NME7: variants seen among roughly 807,000 people sequenced by gnomAD.
NME7 encodes the protein NME/NM23 family member 7.
Under a neutral mutation model 49.1 loss-of-function variants are expected in NME7, and 41 were observed. The observed-to-expected ratio is 0.83, with a 90% CI of 0.65 to 1.08. The LOEUF (loss-of-function observed/expected upper bound fraction) is 1.08, where lower values mean the gene tolerates loss of function less well. NME7 is among the 50% of genes least tolerant of loss of function. The pLI, the probability that NME7 is intolerant of heterozygous loss-of-function variation, is 0.00. For missense variants in NME7, 423 were observed against 463.4 expected (o/e 0.91, Z 0.80); for synonymous variants, 139 against 150.6 (o/e 0.92, Z 0.56).
chr1:169,289,523 T>C (rs1055548357), intron 6 of NME7, among the ~76,000 whole-genome samples: 1 of 152,154 alleles, frequency 6.6e-6, no homozygotes, highest in Non-Finnish European at 1.5e-5. Flanking sequence ...AGGATTCAAA[T>C]CCAAGTGACT....
At chr1:169,299,441 T>G (rs1265860744) in intron 5 of NME7, among the ~76,000 whole-genome samples, 1 of 152,186 alleles carries the variant, frequency 6.6e-6, no homozygotes, top group Non-Finnish European at 1.5e-5. Context: ...TCATTTTATT[T>G]TCTACTTTTA....
chr1:169,258,203 G>A lies in NME7; in HGVS notation c.755-20516C>T, dbSNP rs114711984. The stretch of plus-strand genomic sequence containing the variant: ...AAATAAGAAATTAGCTAGGTGTTGT[G>A]GCACGTGTCTGTAGTGCCAGCTGCT... On this transcript the variant is annotated intron_variant, in intron 7 of 11. Coordinates refer to ENST00000367811, the MANE Select transcript of NME7 (RefSeq NM_013330.5). 3.0e-3 allele frequency among the ~76,000 whole-genome samples: 385 copies of A among 127,250 alleles called. 37 individuals are homozygous for A. The highest frequency in any genetic ancestry group is 9.9e-3 in the African/African-American group (375 of 38,002). The allele number at this position is 127,250 out of a possible 152,430, so 83.5% of individuals were successfully genotyped here.
At chr1:169,269,055 T>C (rs1415562529) in intron 7 of NME7, among the ~76,000 whole-genome samples, 1 of 133,738 alleles carries the variant, frequency 7.5e-6, no homozygotes, top group East Asian at 2.0e-4. Context: ...TTTCTTAAGC[T>C]TAATACATAC....
In NME7 at chr1:169,230,820, C is replaced by A; in HGVS notation, c.889-1G>T. On this transcript the variant is annotated splice_acceptor_variant, in intron 9 of 11. Coordinates refer to ENST00000367811, the MANE Select transcript of NME7 (RefSeq NM_013330.5). LOFTEE classifies it high-confidence loss of function. ...CAGAATACATTTCTGTCACCATGTCCTATGATATGTAATATAAAAGAATGA... is the reference window on the plus strand; with the variant it reads ...CAGAATACATTTCTGTCACCATGTCATATGATATGTAATATAAAAGAATGA... 1.3e-6 allele frequency: 2 copies of A among 1,564,666 alleles called. No individual in the cohort carries two copies. The highest frequency in any genetic ancestry group is 1.2e-5 in the South Asian group (1 of 84,348).
intron 3 of NME7, among the ~76,000 whole-genome samples, chr1:169,314,165 G>C (rs1314561596): frequency 6.6e-6 from 1 of 151,682 alleles, no homozygotes; most frequent in African/African-American, 2.4e-5. Flanking sequence ...CAGAATGTTT[G>C]AGATAAAAGA....
At chr1:169,230,037 A>G (rs1424707885) in intron 10 of NME7, among the ~76,000 whole-genome samples, 3 of 152,182 alleles carry the variant, frequency 2.0e-5, no homozygotes, top group Non-Finnish European at 4.4e-5. Flanking sequence ...TCTTCAATAA[A>G]CTACTTATAA....
At chr1:169,289,870 T>C (rs1007578926) in intron 6 of NME7, among the ~76,000 whole-genome samples, 2 of 152,088 alleles carry the variant, frequency 1.3e-5, no homozygotes, top group Admixed American at 6.6e-5. Flanking sequence ...AAAGTCTTTA[T>C]AAAACAAAGT....
At chr1:169,219,610 G>A (rs1020049981) in intron 10 of NME7, among the ~76,000 whole-genome samples, 1 of 152,078 alleles carries the variant, frequency 6.6e-6, no homozygotes, top group Non-Finnish European at 1.5e-5. Context: ...GTGTTGCCCA[G>A]GCTAGTCTCG....
intron 6 of NME7, among the ~76,000 whole-genome samples, chr1:169,297,390 A>G (rs1042945782): frequency 6.6e-6 from 1 of 152,170 alleles, no homozygotes; most frequent in Non-Finnish European, 1.5e-5. Flanking sequence ...GAAAAATCTA[A>G]AAGTACTACT....
At chr1:169,336,200 C>G (rs542267871) in intron 1 of NME7, among the ~76,000 whole-genome samples, 1 of 152,042 alleles carries the variant, frequency 6.6e-6, no homozygotes, top group South Asian at 2.1e-4. Context: ...CGTGGTCTCG[C>G]TGGGCTCAGG....
At chr1:169,344,373 A>T (rs1652883504) in intron 1 of NME7, among the ~76,000 whole-genome samples, 1 of 152,086 alleles carries the variant, frequency 6.6e-6, no homozygotes, top group African/African-American at 2.4e-5. Context: ...GATGTCTTTC[A>T]TTTATTTCTT....
At chr1:169,155,993 A>G (rs1037900761) in intron 11 of NME7, among the ~76,000 whole-genome samples, 9 of 152,162 alleles carry the variant, frequency 5.9e-5, no homozygotes, top group African/African-American at 2.2e-4. Flanking sequence ...TGAACTAGAC[A>G]CTGGGGGGTA....
intron 10 of NME7, among the ~76,000 whole-genome samples, chr1:169,200,842 A>G (rs1660526422): frequency 6.6e-6 from 1 of 152,122 alleles, no homozygotes; most frequent in East Asian, 1.9e-4. Flanking sequence ...TGCAGTGTGC[A>G]CTGTCCTCTT....
intron 10 of NME7, among the ~76,000 whole-genome samples, chr1:169,227,092 A>G (rs1647375007): frequency 6.6e-6 from 1 of 152,204 alleles, no homozygotes; most frequent in Non-Finnish European, 1.5e-5. Context: ...CTATTCACTC[A>G]GTAAATGTTC....
At chr1:169,314,256 GA>G (rs914795744) in intron 3 of NME7, among the ~76,000 whole-genome samples, 36 of 149,248 alleles carry the variant, frequency 2.4e-4, no homozygotes, top group Non-Finnish European at 2.7e-4. Flanking sequence ...TAGGTTCATG[GA>G]AAAAAAACAA....
At chr1:169,217,802 G>A (rs1436765613) in intron 10 of NME7, among the ~76,000 whole-genome samples, 1 of 152,098 alleles carries the variant, frequency 6.6e-6, no homozygotes, top group Admixed American at 6.5e-5. Flanking sequence ...TAGCCTTTTT[G>A]TGCTGGTTGC....
chr1:169,205,432 T>C (rs557870010), intron 10 of NME7, among the ~76,000 whole-genome samples: 1 of 152,274 alleles, frequency 6.6e-6, no homozygotes, highest in East Asian at 1.9e-4. Context: ...CAAATAGTTG[T>C]GTGGTACCCT....
At chr1:169,342,570 T>C (rs1186542754) in intron 1 of NME7, among the ~76,000 whole-genome samples, 1 of 105,050 alleles carries the variant, frequency 9.5e-6, no homozygotes, top group African/African-American at 3.1e-5. Context: ...CAAGTACATA[T>C]ATATAGTATA....
intron 3 of NME7, among the ~76,000 whole-genome samples, chr1:169,314,530 A>G (rs1169681990): frequency 6.6e-6 from 1 of 152,144 alleles, no homozygotes; most frequent in Admixed American, 6.5e-5. Flanking sequence ...AAAGCTCAGG[A>G]TAAGATGTCA....
Sources: gnomAD v4.1 joint callset for allele counts (sites outside exome capture counted in the v4.1 genomes callset) on GRCh38, gnomAD v4.1.1 for gene constraint, MANE v1.5 for transcripts, NCBI Gene and HGNC (gene_info 2026-07-23, HGNC 2026-07-21) for gene names.